The following KAZN variants were observed in gnomAD, a reference collection of about 807,000 sequenced individuals.
KAZN encodes the protein kazrin.
A neutral mutation model predicts 87.4 loss-of-function variants in KAZN; 40 were observed. The ratio of observed to expected loss-of-function variants is 0.46; its 90% CI spans 0.36 to 0.60. The LOEUF is 0.60. Among genes scored for constraint, KAZN ranks in the 20% least tolerant of loss-of-function variants. The pLI is 0.00. For synonymous variants in KAZN, 466 were observed against 458.3 expected, an observed-to-expected ratio of 1.02 and a Z score of -0.22; for missense variants, 898 against 1,073.9, an observed-to-expected ratio of 0.84 and a Z score of 2.29.
chr1:14,956,308 A>AAAAAAC (rs1244266995), intron 1 of KAZN, among the ~76,000 whole-genome samples: 2 of 151,678 alleles, frequency 1.3e-5, no homozygotes, highest in African/African-American at 4.9e-5. Context: ...TGAAAAAAAA[A>AAAAAAC]AAAAAAAAAG....
intron 1 of KAZN, among the ~76,000 whole-genome samples, chr1:13,974,648 T>G (rs1476696453): frequency 6.6e-6 from 1 of 152,186 alleles, no homozygotes; most frequent in Non-Finnish European, 1.5e-5. Context: ...AAGGAATGCC[T>G]GGGGTTGCCA....
In KAZN at chr1:15,114,893, C is replaced by T. The variant is rs1265884479; in HGVS notation, c.*258C>T. On this transcript the variant is annotated 3_prime_UTR_variant, in exon 15 of 15. Coordinates refer to ENST00000376030, the MANE Select transcript of KAZN (RefSeq NM_201628.3). ...GGCCCAGAGGACCTGTCACAGTGTC[C>T]GGCCCTGCCTCCATCCAGGATACAC... 4 of 363,222 alleles carry T rather than the reference C, an allele frequency of 1.1e-5. No individual in the cohort carries two copies. Among genetic ancestry groups the T allele is most frequent in the African/African-American group, 2.0e-5 (1 of 49,318 alleles). The allele number at this position is 363,222 out of a possible 1,614,324, so 22.5% of individuals were successfully genotyped here.
At chr1:14,809,287 T>C (rs1397939090) in intron 1 of KAZN, among the ~76,000 whole-genome samples, 5 of 152,168 alleles carry the variant, frequency 3.3e-5, no homozygotes, top group Non-Finnish European at 7.3e-5. Context: ...CAGAGGTGTC[T>C]GGAGAGGCTG....
intron 1 of KAZN, among the ~76,000 whole-genome samples, chr1:14,714,751 G>C (rs1007179492): frequency 6.6e-6 from 1 of 151,782 alleles, no homozygotes; most frequent in Non-Finnish European, 1.5e-5. Flanking sequence ...TCACACTTTG[G>C]GGATGAAAAG....
chr1:14,893,769 C>T (rs1654975305), intron 1 of KAZN, among the ~76,000 whole-genome samples: 1 of 152,126 alleles, frequency 6.6e-6, no homozygotes, highest in Admixed American at 6.5e-5. Context: ...GTTTAAGGTA[C>T]AAGGATCATT....
intron 2 of KAZN, among the ~76,000 whole-genome samples, chr1:14,402,169 T>C (rs1663468780): frequency 6.6e-6 from 1 of 151,874 alleles, no homozygotes. Flanking sequence ...TTCTAAAAAT[T>C]TTAAACACAA....
At chr1:14,874,756 G>C (rs1031383745) in intron 1 of KAZN, among the ~76,000 whole-genome samples, 1 of 152,090 alleles carries the variant, frequency 6.6e-6, no homozygotes, top group Non-Finnish European at 1.5e-5. Flanking sequence ...ACATCTTCTG[G>C]TTTGATTATC....
chr1:13,973,649 T>C (rs528550303), intron 1 of KAZN, among the ~76,000 whole-genome samples: 23 of 152,274 alleles, frequency 1.5e-4, no homozygotes, highest in Non-Finnish European at 3.1e-4. Context: ...TCTTAAATCC[T>C]GACCACACCT....
chr1:13,923,714 C>T lies in KAZN; in HGVS notation c.91+29958C>T, dbSNP rs182165222. 3.0e-3 allele frequency among the ~76,000 whole-genome samples: 454 copies of T among 151,230 alleles called. 4 individuals are homozygous for T. The highest frequency in any genetic ancestry group is 9.0e-3 in the African/African-American group (371 of 41,244). On this transcript the variant is annotated intron_variant, in intron 1 of 16. Transcript: ENST00000636203. ...GGGGTTGGTCTCGCTGTCTTAGGGG[C>T]GGCAGAGGCAGAAGAAGTGGTGGAG...
intron 2 of KAZN, among the ~76,000 whole-genome samples, chr1:14,429,314 A>T (rs564496764): frequency 6.6e-6 from 1 of 152,306 alleles, no homozygotes; most frequent in South Asian, 2.1e-4. Context: ...ATTGGCAAAA[A>T]CATTCACACA....
chr1:14,995,856 G>T (rs935058976), intron 2 of KAZN, among the ~76,000 whole-genome samples: 2 of 152,108 alleles, frequency 1.3e-5, no homozygotes, highest in Non-Finnish European at 2.9e-5. Context: ...CCGACAGAGA[G>T]ATTTTCTTGA....
intron 2 of KAZN, among the ~76,000 whole-genome samples, chr1:14,323,194 C>G (rs1656168256): frequency 6.6e-6 from 1 of 152,070 alleles, no homozygotes; most frequent in South Asian, 2.1e-4. Context: ...GGACGCAAAA[C>G]CTAACCATAT....
At chr1:14,732,642 A>G (rs1386155956) in intron 1 of KAZN, among the ~76,000 whole-genome samples, 2 of 152,194 alleles carry the variant, frequency 1.3e-5, no homozygotes, top group Non-Finnish European at 2.9e-5. Flanking sequence ...CTGTCTCAAA[A>G]CAAAAGGAAA....
intron 2 of KAZN, among the ~76,000 whole-genome samples, chr1:14,399,441 GA>G (rs1663194583): frequency 6.6e-6 from 1 of 152,124 alleles, no homozygotes; most frequent in Non-Finnish European, 1.5e-5. Flanking sequence ...TTTAATGATG[GA>G]AAGTCTAGAT....
rs1674286008 is a variant in KAZN, at chr1:14,561,996, C to T, written c.250-36987C>T. 2.0e-5 allele frequency among the ~76,000 whole-genome samples: 3 copies of T among 152,186 alleles called. 1 individual carries two copies. The South Asian group carries it at 6.2e-4, about 32-fold the overall frequency. On this transcript the variant is annotated intron_variant, in intron 2 of 16. Transcript: ENST00000636203. The stretch of plus-strand genomic sequence containing the variant: ...CCCCAGAGAGAAGGCCTTTGAAAAA[C>T]CCAGGAACCTGGGAGACCCGTTTGC...
At chr1:13,909,293 A>G (rs1378120021) in intron 1 of KAZN, among the ~76,000 whole-genome samples, 2 of 152,178 alleles carry the variant, frequency 1.3e-5, no homozygotes, top group African/African-American at 4.8e-5. Context: ...AGGAGATAAG[A>G]CAGTGTGAGT....
At chr1:14,102,193 G>T (rs112905710) in intron 1 of KAZN, among the ~76,000 whole-genome samples, 2,858 of 152,210 alleles carry the variant, frequency 0.019, 82 homozygotes, top group South Asian at 0.066. Flanking sequence ...CGGGGAAGAC[G>T]CCCTCAGCAC....
chr1:15,025,024 G>C (rs1671037609), intron 2 of KAZN, among the ~76,000 whole-genome samples: 2 of 152,186 alleles, frequency 1.3e-5, no homozygotes, highest in Non-Finnish European at 2.9e-5. Context: ...GGATCCTGCT[G>C]TCCCTGGGGC....
chr1:15,078,196 C>G (rs1240547543), intron 8 of KAZN, among the ~76,000 whole-genome samples: 1 of 152,062 alleles, frequency 6.6e-6, no homozygotes. Flanking sequence ...GGGCAGATTA[C>G]TTGAGGCTGG....
Sources: allele counts gnomAD v4.1 joint callset (sites outside exome capture counted in the v4.1 genomes callset), GRCh38; gene constraint gnomAD v4.1.1; transcripts MANE v1.5; gene names NCBI Gene and HGNC (gene_info 2026-07-23, HGNC 2026-07-21).